Variants in HEG1 observed in about 807,000 individuals in gnomAD.
HEG1 encodes protein HEG homolog 1.
Under a neutral mutation model 125.6 loss-of-function variants are expected in HEG1, and 56 were observed. The observed-to-expected ratio is 0.45, with a 90% CI of 0.36 to 0.56. The LOEUF (loss-of-function observed/expected upper bound fraction) is 0.56. HEG1 is among the 20% of genes least tolerant of loss of function. The pLI, the probability that HEG1 is intolerant of heterozygous loss-of-function variation, is 0.00. For missense variants in HEG1, 1,523 were observed against 1,670.0 expected, an observed-to-expected ratio of 0.91 and a Z score of 1.53; for synonymous variants, 644 against 668.5, an observed-to-expected ratio of 0.96 and a Z score of 0.57.
intron 14 of HEG1, among the ~76,000 whole-genome samples, chr3:124,982,412 T>C (rs999315031): frequency 2.6e-5 from 4 of 152,238 alleles, no homozygotes; most frequent in Non-Finnish European, 5.9e-5. Context: ...TCTGAATATT[T>C]AGGTGAGACA....
chr3:124,996,501 T>C (rs184772113), intron 12 of HEG1, among the ~76,000 whole-genome samples: 1 of 152,204 alleles, frequency 6.6e-6, no homozygotes, highest in Non-Finnish European at 1.5e-5. Context: ...TGAGACATGC[T>C]GTGTCCTAGT....
chr3:125,022,567 T>C (rs1937351065), intron 3 of HEG1, among the ~76,000 whole-genome samples: 1 of 150,080 alleles, frequency 6.7e-6, no homozygotes, highest in South Asian at 2.1e-4. Flanking sequence ...AAACTAGTAA[T>C]GGAAACAAGA....
intron 1 of HEG1, among the ~76,000 whole-genome samples, chr3:125,034,150 C>T (rs548451603): frequency 3.4e-3 from 143 of 41,766 alleles, no homozygotes; most frequent in African/African-American, 9.8e-3. Context: ...AATACAAATG[C>T]TCTCTAGATA....
intron 8 of HEG1, among the ~76,000 whole-genome samples, chr3:125,007,099 TG>T (rs1297072546): frequency 6.9e-6 from 1 of 145,398 alleles, no homozygotes; most frequent in African/African-American, 2.6e-5. Flanking sequence ...CTTGGGAGGC[TG>T]AGGCAGGAGA....
chr3:125,045,230 A>G (rs1937644705), intron 1 of HEG1, among the ~76,000 whole-genome samples: 1 of 152,226 alleles, frequency 6.6e-6, no homozygotes, highest in Admixed American at 6.5e-5. Context: ...AGTTGGAAGC[A>G]CCCACTCGGA....
chr3:125,006,728 A>T (rs1171658820), intron 8 of HEG1, among the ~76,000 whole-genome samples: 1 of 152,234 alleles, frequency 6.6e-6, no homozygotes, highest in East Asian at 1.9e-4. Flanking sequence ...ATGTTTATGA[A>T]CAATGAAGCT....
chr3:125,026,347 C>T (rs545651368), intron 3 of HEG1, among the ~76,000 whole-genome samples: 40 of 152,230 alleles, frequency 2.6e-4, no homozygotes, highest in African/African-American at 9.4e-4. Flanking sequence ...ATTACAGTCT[C>T]TCTGGGCAGA....
intron 1 of HEG1, among the ~76,000 whole-genome samples, chr3:125,049,562 C>A (rs1472788586): frequency 6.6e-6 from 1 of 152,216 alleles, no homozygotes; most frequent in African/African-American, 2.4e-5. Context: ...GCAGTCTTTA[C>A]ACTGAACGGC....
intron 14 of HEG1, among the ~76,000 whole-genome samples, chr3:124,989,822 C>T (rs1362715392): frequency 6.6e-6 from 1 of 152,218 alleles, no homozygotes; most frequent in Non-Finnish European, 1.5e-5. Context: ...CTTGATCAAA[C>T]TGCTTTCCTG....
intron 1 of HEG1, among the ~76,000 whole-genome samples, chr3:125,051,874 C>T (rs547904218): frequency 2.0e-5 from 3 of 152,232 alleles, no homozygotes; most frequent in South Asian, 2.1e-4. Context: ...GCCAGCTGGG[C>T]GGGGCTGCTG....
At chr3:124,984,271 C>T (rs1312443687) in intron 14 of HEG1, among the ~76,000 whole-genome samples, 4 of 152,156 alleles carry the variant, frequency 2.6e-5, no homozygotes, top group Non-Finnish European at 5.9e-5. Flanking sequence ...CTCTCACTCC[C>T]TGCTGGCTAC....
At chr3:125,044,745 G>A (rs1417585047) in intron 1 of HEG1, among the ~76,000 whole-genome samples, 1 of 152,194 alleles carries the variant, frequency 6.6e-6, no homozygotes, top group East Asian at 1.9e-4. Flanking sequence ...CTAAGACTGA[G>A]CGCTCCAGAG....
At chr3:124,980,609 C>G (rs1320559310) in intron 14 of HEG1, among the ~76,000 whole-genome samples, 3 of 150,680 alleles carry the variant, frequency 2.0e-5, no homozygotes, top group African/African-American at 7.3e-5. Flanking sequence ...CTCTTCCTCC[C>G]AGGTTCAAGC....
chr3:125,019,512 G>A lies in HEG1; in HGVS notation c.1338C>T (p.Val446=), dbSNP rs771255321. The change falls in exon 5 of 17, where the codon GTC becomes GTT. Residue 446 remains valine, a synonymous_variant. Coordinates refer to ENST00000311127, the MANE Select transcript of HEG1 (RefSeq NM_020733.2). ...TGATCTCTCCACCTCTCATGGGTGC[G>A]ACTGACCTAGACACAGTCTCAGTCT... is the stretch of plus-strand genomic sequence containing the variant. ...MSQTETVSRS[V]APMRGGEITA... is the part of the protein sequence containing the mutation. 6.8e-6 allele frequency: 11 copies of A among 1,613,776 alleles called. No individual in the cohort carries two copies. The highest frequency in any genetic ancestry group is 6.6e-5 in the South Asian group (6 of 91,074).
At chr3:124,989,011 T>C (rs981260751) in intron 14 of HEG1, among the ~76,000 whole-genome samples, 20 of 152,178 alleles carry the variant, frequency 1.3e-4, no homozygotes, top group African/African-American at 4.8e-4. Context: ...CTCCCTAGTC[T>C]TTCTCTGAGG....
Position 124,965,718 on chromosome 3 carries a change from A to T in HEG1, c.*4934T>A, listed in dbSNP as rs1308633003. 6.6e-6 allele frequency: 1 copy of T among 152,216 alleles called. No individual in the cohort carries two copies. The highest frequency in any genetic ancestry group is 1.5e-5 in the Non-Finnish European group (1 of 68,030). The allele number at this position is 152,216 out of a possible 1,614,324, so 9.4% of individuals were successfully genotyped here. On this transcript the variant is annotated 3_prime_UTR_variant, in exon 17 of 17. Coordinates refer to ENST00000311127, the MANE Select transcript of HEG1 (RefSeq NM_020733.2). ...AAGAGGAAAACACACAATGAAAATG[A>T]TATTAATTTTATTGCATCATTTTAC...
At chr3:124,982,314 T>G (rs754128144) in intron 14 of HEG1, among the ~76,000 whole-genome samples, 1 of 152,188 alleles carries the variant, frequency 6.6e-6, no homozygotes, top group Non-Finnish European at 1.5e-5. Context: ...TCTTTTGGGG[T>G]TAAGTACTGA....
intron 14 of HEG1, among the ~76,000 whole-genome samples, chr3:124,980,525 T>C (rs560433098): frequency 6.6e-6 from 1 of 152,220 alleles, no homozygotes. Context: ...TTTTTTATTT[T>C]TTTTTTATTT....
intron 14 of HEG1, among the ~76,000 whole-genome samples, chr3:124,984,765 AAACCAAAAAACAAAAAAAC>A (rs1048948906): frequency 3.3e-5 from 5 of 152,270 alleles, no homozygotes; most frequent in African/African-American, 7.2e-5. Context: ...GTCTCAAAAA[AAACCAAAAAACAAAAAAAC>A]AACCAAAAAA....
Sources: allele counts gnomAD v4.1 joint callset (sites outside exome capture counted in the v4.1 genomes callset), GRCh38; gene constraint gnomAD v4.1.1; transcripts MANE v1.5; gene names NCBI Gene and HGNC (gene_info 2026-07-23, HGNC 2026-07-21).